ERBIN: variants seen among roughly 807,000 people sequenced by gnomAD.
The protein encoded by ERBIN is densin-180-like protein.
A neutral mutation model predicts 158.4 loss-of-function variants in ERBIN; 60 were observed. The observed-to-expected ratio is 0.38, with a 90% confidence interval of 0.31 to 0.47. ERBIN has a LOEUF of 0.47. Among genes scored for constraint, ERBIN ranks in the 20% least tolerant of loss-of-function variants. The pLI, the probability that ERBIN is intolerant of heterozygous loss-of-function variation, is 0.99. For synonymous variants in ERBIN, 594 were observed against 557.2 expected, an observed-to-expected ratio of 1.07 and a Z score of -0.93; for missense variants, 1,610 against 1,648.0, an observed-to-expected ratio of 0.98 and a Z score of 0.40.
chr5:66,053,796 T>C lies in ERBIN; in HGVS notation c.2478T>C (p.Ser826=), dbSNP rs757207717. 4.3e-6 allele frequency: 7 copies of C among 1,613,814 alleles called. No homozygotes were observed. In the Admixed American group the frequency reaches 1.2e-4, roughly 27 times the overall value. ...CCGTAAATAAGGTAAATGGACATTC[T>C]GAGGAAACTTCCCAGTCTCCTAATA... The part of the protein sequence containing the change: ...LESVNKVNGH[S]EETSQSPNRT... The change falls in exon 21 of 26, where the codon TCT becomes TCC. Residue 826 remains serine, a synonymous_variant. Transcript: ENST00000284037.
At chr5:66,023,967 G>A (rs1232196842) in intron 9 of ERBIN, among the ~76,000 whole-genome samples, 5 of 151,936 alleles carry the variant, frequency 3.3e-5, no homozygotes, top group East Asian at 3.9e-4. Flanking sequence ...GTGAGCCACC[G>A]CGCCCAGCCG....
chr5:66,024,823 C>CTATG (rs1407715771), intron 10 of ERBIN, among the ~76,000 whole-genome samples: 11 of 151,970 alleles, frequency 7.2e-5, no homozygotes, highest in African/African-American at 2.7e-4. Flanking sequence ...CATGAGAGAT[C>CTATG]TATGATTGAG....
chr5:65,944,429 G>A (rs921633694), intron 1 of ERBIN, among the ~76,000 whole-genome samples: 1 of 151,910 alleles, frequency 6.6e-6, no homozygotes, highest in Non-Finnish European at 1.5e-5. Context: ...TTGAGGCAGA[G>A]TTTGCTCTGT....
intron 14 of ERBIN, among the ~76,000 whole-genome samples, chr5:66,029,785 A>G (rs1222220247): frequency 2.0e-5 from 3 of 151,580 alleles, no homozygotes; most frequent in African/African-American, 4.8e-5. Flanking sequence ...TTTTATTTTT[A>G]GTAGAAACAG....
chr5:65,962,786 G>A (rs553186241), intron 1 of ERBIN, among the ~76,000 whole-genome samples: 1 of 152,204 alleles, frequency 6.6e-6, no homozygotes, highest in East Asian at 1.9e-4. Flanking sequence ...TCTAATTAAA[G>A]CCTCTTTAAA....
chr5:66,013,646 A>T lies in ERBIN; in HGVS notation c.476+8A>T. Reference sequence around the variant, plus strand: ...GCCAGCAAATTTTGGCAGGTAAATTATGGTTTCTTCTAAAACGTTTTATTA... The same window carrying T: ...GCCAGCAAATTTTGGCAGGTAAATTTTGGTTTCTTCTAAAACGTTTTATTA... On this transcript the variant is annotated splice_region_variant and intron_variant, in intron 6 of 25. Transcript: ENST00000284037. The T allele has an allele frequency of 6.3e-7, 1 of 1,594,136 alleles. No individual in the cohort carries two copies. The highest frequency in any genetic ancestry group is 8.6e-7 in the Non-Finnish European group (1 of 1,162,120).
intron 1 of ERBIN, among the ~76,000 whole-genome samples, chr5:65,987,217 T>A (rs2151031704): frequency 6.6e-6 from 1 of 152,226 alleles, no homozygotes; most frequent in East Asian, 1.9e-4. Flanking sequence ...GTAATTGAGC[T>A]GGGCCCCTTA....
intron 1 of ERBIN, among the ~76,000 whole-genome samples, chr5:65,969,246 T>C (rs1387115464): frequency 2.6e-5 from 4 of 152,182 alleles, no homozygotes; most frequent in African/African-American, 9.7e-5. Context: ...ATGAATAGTA[T>C]ATATAAAATA....
intron 1 of ERBIN, among the ~76,000 whole-genome samples, chr5:65,936,817 T>C (rs1009419260): frequency 6.6e-6 from 1 of 152,208 alleles, no homozygotes; most frequent in Non-Finnish European, 1.5e-5. Flanking sequence ...CAATTCCATC[T>C]CCCAGATATA....
At chr5:65,999,142 G>A (rs1561353674) in intron 4 of ERBIN, among the ~76,000 whole-genome samples, 1 of 152,170 alleles carries the variant, frequency 6.6e-6, no homozygotes, top group Non-Finnish European at 1.5e-5. Context: ...GCCAAGGTGA[G>A]CAGATTACCT....
chr5:65,969,250 T>A (rs1475336448), intron 1 of ERBIN, among the ~76,000 whole-genome samples: 1 of 152,154 alleles, frequency 6.6e-6, no homozygotes, highest in Non-Finnish European at 1.5e-5. Flanking sequence ...ATAGTATATA[T>A]AAAATATTTT....
At chr5:65,932,664 C>T (rs1001075541) in intron 1 of ERBIN, among the ~76,000 whole-genome samples, 19 of 152,194 alleles carry the variant, frequency 1.2e-4, no homozygotes, top group African/African-American at 3.1e-4. Flanking sequence ...CTTGTCTGTT[C>T]GTATTGGATT....
chr5:65,939,293 C>T (rs898907182), intron 1 of ERBIN, among the ~76,000 whole-genome samples: 2 of 152,008 alleles, frequency 1.3e-5, no homozygotes, highest in East Asian at 1.9e-4. Flanking sequence ...GAAAATTAGC[C>T]GAGTGTGGTG....
chr5:65,992,450 A>G (rs1248060680), intron 2 of ERBIN, among the ~76,000 whole-genome samples: 2 of 152,162 alleles, frequency 1.3e-5, no homozygotes, highest in African/African-American at 2.4e-5. Flanking sequence ...CCCGGCCTCA[A>G]AGCACAGTTT....
At chr5:65,981,934 T>C (rs1001957489) in intron 1 of ERBIN, among the ~76,000 whole-genome samples, 11 of 152,032 alleles carry the variant, frequency 7.2e-5, no homozygotes, top group Admixed American at 2.0e-4. Flanking sequence ...ATTCATGGGG[T>C]TGGGGAAATA....
chr5:66,019,736 T>G (rs545945126), intron 7 of ERBIN, among the ~76,000 whole-genome samples: 3 of 152,302 alleles, frequency 2.0e-5, no homozygotes, highest in African/African-American at 4.8e-5. Flanking sequence ...TGTAATTGAA[T>G]TTTTCCAATG....
At chr5:66,030,763 A>G (rs1756783124) in intron 14 of ERBIN, among the ~76,000 whole-genome samples, 1 of 150,752 alleles carries the variant, frequency 6.6e-6, no homozygotes, top group Non-Finnish European at 1.5e-5. Flanking sequence ...TAGCGACAAG[A>G]TCTCATGATA....
chr5:66,003,992 A>G (rs962465534), intron 4 of ERBIN, among the ~76,000 whole-genome samples: 2 of 139,884 alleles, frequency 1.4e-5, no homozygotes, highest in Non-Finnish European at 3.0e-5. Flanking sequence ...AGGCTGGAGT[A>G]CAGTGGCATG....
intron 21 of ERBIN, among the ~76,000 whole-genome samples, chr5:66,065,320 A>G (rs1479841175): frequency 6.6e-6 from 1 of 151,708 alleles, no homozygotes; most frequent in Non-Finnish European, 1.5e-5. Context: ...CATACTTATT[A>G]TTTCAAAGAG....
Sources: gnomAD v4.1 joint callset for allele counts (sites outside exome capture counted in the v4.1 genomes callset) on GRCh38, gnomAD v4.1.1 for gene constraint, MANE v1.5 for transcripts, NCBI Gene and HGNC (gene_info 2026-07-23, HGNC 2026-07-21) for gene names.